Variants in ITPR3 observed in about 807,000 individuals in gnomAD.
ITPR3 encodes the protein inositol 1,4,5-trisphosphate-gated calcium channel ITPR3.
ITPR3 carries 173 observed loss-of-function variants against 293.2 expected under a neutral mutation model. That is an observed-to-expected ratio of 0.59 (90% CI 0.52 to 0.67). The LOEUF (loss-of-function observed/expected upper bound fraction) is 0.67, where lower values mean the gene tolerates loss of function less well. ITPR3 is among the 30% of genes least tolerant of loss of function. The probability of loss-of-function intolerance (pLI) is 0.00; values close to 1 mark genes in which losing one functional copy is unlikely to be tolerated. For synonymous variants in ITPR3, 1,295 were observed against 1,444.4 expected (o/e 0.90, Z 2.35); for missense variants, 2,796 against 3,592.1 (o/e 0.78, Z 5.66).
Position 33,678,610 on chromosome 6 carries a change from CTCTT to C in ITPR3, c.3772-25_3772-22del, listed in dbSNP as rs761406971. The stretch of plus-strand genomic sequence containing the variant: ...TGGGGGGTGGGGGCGGGGCCCAGAT[CTCTT>C]TCTGACAGATGCCCCCCACTGCAGC... On this transcript the variant is annotated intron_variant, in intron 29 of 57. Transcript: ENST00000605930. 8.1e-6 allele frequency: 13 copies of C among 1,598,778 alleles called. 1 individual carries two copies. The highest frequency in any genetic ancestry group is 4.5e-5 in the South Asian group (4 of 88,876).
At chr6:33,646,343 G>C (rs1287565076) in intron 2 of ITPR3, among the ~76,000 whole-genome samples, 2 of 150,336 alleles carry the variant, frequency 1.3e-5, no homozygotes, top group African/African-American at 4.9e-5. Flanking sequence ...CACAGACTGA[G>C]AGTCTGCTCC....
At chr6:33,653,993 C>G (rs1014148094) in intron 2 of ITPR3, among the ~76,000 whole-genome samples, 2 of 152,166 alleles carry the variant, frequency 1.3e-5, no homozygotes, top group Admixed American at 6.5e-5. Context: ...CTCTGCCGGG[C>G]GTGGTGGCTC....
At position 33,695,806 on chromosome 6, in the gene ITPR3, G is replaced by A. The variant is rs748205939; in HGVS notation, c.*26G>A. 6.2e-7 allele frequency: 1 copy of A among 1,611,160 alleles called. No individual in the cohort carries two copies. Among genetic ancestry groups the A allele is most frequent in the African/African-American group, 1.3e-5 (1 of 74,890 alleles). On this transcript the variant is annotated 3_prime_UTR_variant, in exon 58 of 58. Coordinates refer to ENST00000605930, the MANE Select transcript of ITPR3 (RefSeq NM_002224.4). ...GGAGAGCCACCGAAGGCCCCAACAG[G>A]GGATGCTCATCACTGGAGACTGCGA... is the stretch of plus-strand genomic sequence containing the variant.
chr6:33,690,889 C>G, intron 51 of ITPR3, 28 bp from the exon 52 acceptor site: 1 of 1,605,586 alleles, frequency 6.2e-7, no homozygotes, highest in Non-Finnish European at 8.5e-7. Flanking sequence ...CCTCAAGGTG[C>G]CATCCCTATC....
In ITPR3 at chr6:33,672,135, C is replaced by T; in HGVS notation, c.2835C>T (p.Ala945=). 3.1e-6 allele frequency: 5 copies of T among 1,614,052 alleles called. No individual in the cohort carries two copies. The highest frequency in any genetic ancestry group is 8.5e-7 in the Non-Finnish European group (1 of 1,179,994). Residue 945 remains alanine (A), a synonymous_variant, in exon 22 of 58, where the codon GCC becomes GCT. Coordinates refer to ENST00000605930, the MANE Select transcript of ITPR3 (RefSeq NM_002224.4). This position sits in a 1 kb window ranked among gnomAD's most constrained non-coding sequence, Gnocchi z 5.0. The part of the protein sequence containing the change: ...VFSAPSLSAG[A]SAAEPLDRSK... ...GTGCCCCCAGCCTGTCTGCTGGGGC[C>T]AGTGCTGCTGAGCCGCTGGACAGAA...
At chr6:33,646,712 G>A (rs1764075164) in intron 2 of ITPR3, among the ~76,000 whole-genome samples, 1 of 152,016 alleles carries the variant, frequency 6.6e-6, no homozygotes, top group African/African-American at 2.4e-5. Context: ...GAGCCTAGGA[G>A]TTTGAGACCA....
At chr6:33,629,446 G>A (rs1473949168) in intron 1 of ITPR3, among the ~76,000 whole-genome samples, 2 of 38,204 alleles carry the variant, frequency 5.2e-5, no homozygotes, top group Admixed American at 6.1e-4. Flanking sequence ...ACAGCCACTG[G>A]GCCCAGGTTG....
intron 2 of ITPR3, among the ~76,000 whole-genome samples, chr6:33,644,961 G>A (rs576288354): frequency 6.6e-6 from 1 of 151,708 alleles, no homozygotes; most frequent in Non-Finnish European, 1.5e-5. Flanking sequence ...ACTGCACCTG[G>A]CTAAGTTTTT....
intron 48 of ITPR3, 34 bp downstream of exon 48, chr6:33,688,465 T>G: frequency 6.8e-7 from 1 of 1,480,630 alleles, no homozygotes; most frequent in Non-Finnish European, 9.0e-7. Context: ...TGGGGCGGTC[T>G]GGAGCTGTTC....
chr6:33,690,101 A>G lies in ITPR3; in HGVS notation c.6935A>G (p.Lys2312Arg). Residue 2312 changes from lysine to arginine, a missense_variant, in exon 51 of 58, where the codon AAG becomes AGG. Physicochemically the swap from Lys to Arg is conservative, Grantham distance 26. Transcript: ENST00000605930. ...GNRGTFIRGYKAMVMDMEFLY... is the reference protein window; with the variant it reads ...GNRGTFIRGYRAMVMDMEFLY... ...CGTGGCACCTTCATCCGGGGCTATA[A>G]GGCCATGGTCATGGACATGGAATTC... The G allele has an allele frequency of 1.9e-6, 3 of 1,614,202 alleles. No homozygotes were observed. The highest frequency in any genetic ancestry group is 2.5e-6 in the Non-Finnish European group (3 of 1,180,046).
At chr6:33,686,623 T>G (rs1765239690) in intron 43 of ITPR3, 104 bp downstream of exon 43, 1 of 876,646 alleles carries the variant, frequency 1.1e-6, no homozygotes, top group Non-Finnish European at 1.9e-6. Flanking sequence ...GTAATGTGGG[T>G]GTTAGCATTG....
At chr6:33,668,031 T>C in intron 16 of ITPR3, 67 bp downstream of exon 16, 22 of 1,554,312 alleles carry the variant, frequency 1.4e-5, no homozygotes, top group Non-Finnish European at 1.9e-5. Context: ...GTAGAAACTC[T>C]GCTGGTTGTG....
chr6:33,674,267 T>A lies in ITPR3; in HGVS notation c.3116+2T>A, dbSNP rs1241965588. ...GGCGGAGGCCATGTTTGGAGTGGGG[T>A]GAGGCCAGGGTTGAGCTGCAGGGGT... On this transcript the variant is annotated splice_donor_variant, in intron 24 of 57. Coordinates refer to ENST00000605930, the MANE Select transcript of ITPR3 (RefSeq NM_002224.4). LOFTEE classifies it high-confidence loss of function. 1 of 1,613,550 alleles carries A rather than the reference T, an allele frequency of 6.2e-7. No individual in the cohort carries two copies. Among genetic ancestry groups the A allele is most frequent in the Non-Finnish European group, 8.5e-7 (1 of 1,179,842 alleles).
chr6:33,687,617 G>T lies in ITPR3; in HGVS notation c.6264+53G>T. The T allele has an allele frequency of 6.9e-7, 1 of 1,440,080 alleles. No homozygotes were observed. Among genetic ancestry groups the T allele is most frequent in the South Asian group, 1.2e-5 (1 of 84,490 alleles). The allele number at this position is 1,440,080 out of a possible 1,614,324, so 89.2% of individuals were successfully genotyped here. A position where few individuals can be genotyped will look rare whatever the true frequency, so the allele number is the denominator to read the frequency against. On this transcript the variant is annotated intron_variant, in intron 46 of 57. Transcript: ENST00000605930. This position sits in a 1 kb window ranked among gnomAD's most constrained non-coding sequence, Gnocchi z 5.3. ...GGGGTGGGGCCTGGAACCCAGGGAG[G>T]ACACTTGACCCAAGGGCGTGGCCTG...
At position 33,691,170 on chromosome 6, in the gene ITPR3, CTG is replaced by C. The variant is rs1362104968; in HGVS notation, c.7225+62_7225+63del. The C allele has an allele frequency of 1.0e-5, 16 of 1,548,432 alleles. No homozygotes were observed. Among genetic ancestry groups the C allele is most frequent in the Non-Finnish European group, 1.4e-5 (16 of 1,125,626 alleles). On this transcript the variant is annotated intron_variant, in intron 52 of 57. Coordinates refer to ENST00000605930, the MANE Select transcript of ITPR3 (RefSeq NM_002224.4). The surrounding 1 kb of genome is among the most constrained non-coding windows in gnomAD (Gnocchi z 4.9). The stretch of plus-strand genomic sequence containing the variant: ...GAATGAGGTTGGGTCTCACAAATGT[CTG>C]GCGTCAGGACCAGGACCTGCAGCGC...
Position 33,659,590 on chromosome 6 carries a change from A to G in ITPR3, c.711+41A>G, listed in dbSNP as rs41271249. On this transcript the variant is annotated intron_variant, in intron 7 of 57. Coordinates refer to ENST00000605930, the MANE Select transcript of ITPR3 (RefSeq NM_002224.4). ...CCCTGCCCTGCCCAGCTGGCCACCT[A>G]GCCCTCCCCACCAGGGCCCTCTTCC... 0.052 allele frequency: 80,195 copies of G among 1,545,408 alleles called. 2,445 individuals are homozygous for G. Among genetic ancestry groups the G allele is most frequent in the East Asian group, 0.13 (5,882 of 44,500 alleles).
Position 33,671,163 on chromosome 6 carries a change from A to T in ITPR3, c.2587-2A>T, listed in dbSNP as rs763357230. 2 of 1,612,668 alleles carry T rather than the reference A, an allele frequency of 1.2e-6. No homozygotes were observed. Among genetic ancestry groups the T allele is most frequent in the Non-Finnish European group, 1.7e-6 (2 of 1,179,632 alleles). ...CTCACCTCGGCCACGCCCCCTTCGC[A>T]GGTGGTCAGCCTGGCGCACAATCTC... On this transcript the variant is annotated splice_acceptor_variant, in intron 20 of 57. Transcript: ENST00000605930. LOFTEE classifies it high-confidence loss of function.
intron 2 of ITPR3, among the ~76,000 whole-genome samples, chr6:33,650,264 G>A (rs1372380407): frequency 2.0e-5 from 3 of 151,752 alleles, no homozygotes; most frequent in Non-Finnish European, 4.4e-5. Flanking sequence ...TAGAAGCATG[G>A]GATGTGTATG....
In ITPR3 at chr6:33,673,653, G is replaced by A. The variant is rs1452667817; in HGVS notation, c.2991G>A (p.Glu997=). ...ACCTGCTGTCTGTCTTCAAGAAGGA[G>A]TTTGTGGAGGTGTTTCCCATGCAGG... is the stretch of plus-strand genomic sequence containing the variant. ...ISYLLSVFKK[E]FVEVFPMQDS... Residue 997 remains glutamate (E), a synonymous_variant, in exon 23 of 58, where the codon GAG becomes GAA. Transcript: ENST00000605930. 16 of 1,614,150 alleles carry A rather than the reference G, an allele frequency of 9.9e-6. No homozygotes were observed. The highest frequency in any genetic ancestry group is 1.3e-5 in the Non-Finnish European group (15 of 1,179,986).
Sources: allele counts gnomAD v4.1 joint callset (sites outside exome capture counted in the v4.1 genomes callset), GRCh38; gene constraint gnomAD v4.1.1; non-coding constraint Gnocchi (gnomAD v3.1); transcripts MANE v1.5; gene names NCBI Gene and HGNC (gene_info 2026-07-23, HGNC 2026-07-21).